COL4A1: variants seen among roughly 807,000 people sequenced by gnomAD.
The protein encoded by COL4A1 is collagen type IV alpha 1 chain.
In COL4A1, 40 loss-of-function variants were observed where a neutral mutation model predicts 216.6. The observed-to-expected ratio is 0.18, with a 90% CI of 0.14 to 0.24. COL4A1 has a LOEUF of 0.24. Ranked by LOEUF, COL4A1 falls within the 10% of genes least tolerant of loss-of-function variation. The probability of loss-of-function intolerance (pLI) is 1.00; values close to 1 mark genes in which losing one functional copy is unlikely to be tolerated. For missense variants in COL4A1, 1,628 were observed against 2,196.8 expected (o/e 0.74, Z 5.18); for synonymous variants, 839 against 810.7 (o/e 1.03, Z -0.59).
intron 1 of COL4A1, among the ~76,000 whole-genome samples, chr13:110,302,075 G>A (rs1884515785): frequency 6.6e-6 from 1 of 152,176 alleles, no homozygotes; most frequent in East Asian, 1.9e-4. Context: ...AAGAGAGCTG[G>A]AAGGGAGTCC....
intron 45 of COL4A1, 152 bp from the exon 46 acceptor site, chr13:110,165,142 C>A (rs1877277256): frequency 1.7e-6 from 2 of 1,177,608 alleles, no homozygotes; most frequent in South Asian, 3.1e-5. Flanking sequence ...CAGATCTTCA[C>A]AAAACATGTC....
intron 1 of COL4A1, among the ~76,000 whole-genome samples, chr13:110,260,811 A>G (rs1379423958): frequency 2.6e-5 from 4 of 152,110 alleles, no homozygotes; most frequent in African/African-American, 9.7e-5. Flanking sequence ...GCACTTTGGG[A>G]GGCCGAGGCA....
At chr13:110,193,041 G>T in intron 22 of COL4A1, 128 bp from the exon 23 acceptor site, 1 of 820,080 alleles carries the variant, frequency 1.2e-6, no homozygotes, top group Non-Finnish European at 2.1e-6. Context: ...TTGCTCAGTG[G>T]CAATGGCTCC....
At chr13:110,255,511 T>A (rs1594094724) in intron 1 of COL4A1, among the ~76,000 whole-genome samples, 1 of 112,608 alleles carries the variant, frequency 8.9e-6, no homozygotes, top group Non-Finnish European at 1.8e-5. Flanking sequence ...GAAAGAACGG[T>A]GATTCCACCA....
At chr13:110,280,504 A>G (rs191126865) in intron 1 of COL4A1, among the ~76,000 whole-genome samples, 2 of 152,380 alleles carry the variant, frequency 1.3e-5, no homozygotes, top group Non-Finnish European at 2.9e-5. Context: ...TACAAGAGAA[A>G]GTATTCAAAA....
At position 110,211,542 on chromosome 13, in the gene COL4A1, C is replaced by A; in HGVS notation, c.468+105G>T. 3.6e-6 allele frequency: 4 copies of A among 1,103,450 alleles called. No individual in the cohort carries two copies. The highest frequency in any genetic ancestry group is 5.3e-6 in the Non-Finnish European group (4 of 754,160). The allele number at this position is 1,103,450 out of a possible 1,614,324, so 68.4% of individuals were successfully genotyped here. ...GAGTTTAGGGAAGTGTGTTCAGAAA[C>A]AATCGATCAGCCAAAGTGGTTTAAA... On this transcript the variant is annotated intron_variant, in intron 8 of 51. Coordinates refer to ENST00000375820, the MANE Select transcript of COL4A1 (RefSeq NM_001845.6). The surrounding 1 kb of genome is among the most constrained non-coding windows in gnomAD (Gnocchi z 4.3).
At chr13:110,292,398 A>T (rs1323258616) in intron 1 of COL4A1, among the ~76,000 whole-genome samples, 1 of 152,194 alleles carries the variant, frequency 6.6e-6, no homozygotes, top group East Asian at 1.9e-4. Context: ...TCTAGACTGG[A>T]CTATAGTTTC....
chr13:110,186,646 C>T (rs1878420130), intron 25 of COL4A1, 93 bp from the exon 26 acceptor site: 2 of 1,463,592 alleles, frequency 1.4e-6, no homozygotes, highest in Admixed American at 2.0e-5. Context: ...TCAATAAGTA[C>T]TAGAGTTAAC....
chr13:110,259,985 A>G (rs372688335), intron 1 of COL4A1, among the ~76,000 whole-genome samples: 2 of 152,052 alleles, frequency 1.3e-5, no homozygotes, highest in African/African-American at 2.4e-5. Flanking sequence ...GCTGCTGTAC[A>G]TGGATCATGC....
chr13:110,300,808 G>A (rs1218387731), intron 1 of COL4A1, among the ~76,000 whole-genome samples: 1 of 152,224 alleles, frequency 6.6e-6, no homozygotes, highest in Non-Finnish European at 1.5e-5. Context: ...AACAGAAGAT[G>A]AGGAGGTTGA....
chr13:110,189,527 A>G (rs983645195), intron 24 of COL4A1, among the ~76,000 whole-genome samples: 4 of 152,102 alleles, frequency 2.6e-5, no homozygotes, highest in African/African-American at 9.7e-5. Flanking sequence ...GGGACACTTC[A>G]CTTGGATCTA....
chr13:110,163,087 G>C (rs547174304), intron 47 of COL4A1, among the ~76,000 whole-genome samples: 39 of 152,344 alleles, frequency 2.6e-4, no homozygotes, highest in African/African-American at 8.7e-4. Flanking sequence ...TAAGGAAGCA[G>C]ATCAAGTTCA....
intron 29 of COL4A1, 97 bp downstream of exon 29, chr13:110,181,195 C>G: frequency 8.4e-7 from 1 of 1,188,144 alleles, no homozygotes; most frequent in Non-Finnish European, 1.3e-6. Flanking sequence ...ATCTGCTGGC[C>G]CAACATGTCC....
intron 1 of COL4A1, among the ~76,000 whole-genome samples, chr13:110,272,591 T>G (rs1044218345): frequency 2.6e-5 from 4 of 152,086 alleles, no homozygotes; most frequent in African/African-American, 9.7e-5. Flanking sequence ...GGGGGGGAAC[T>G]CTTCTCAGCA....
intron 24 of COL4A1, among the ~76,000 whole-genome samples, chr13:110,190,535 A>G (rs1408245286): frequency 6.6e-6 from 1 of 152,336 alleles, no homozygotes; most frequent in African/African-American, 2.4e-5. Flanking sequence ...CTTGTCTTTC[A>G]AAAGGAAATG....
chr13:110,155,677 G>A lies in COL4A1; in HGVS notation c.4641-280C>T, dbSNP rs563430998. Among the ~76,000 whole-genome samples, 63 of 152,288 alleles carry A rather than the reference G, an allele frequency of 4.1e-4. 2 individuals carry two copies. In the East Asian group the frequency reaches 9.3e-3, roughly 22 times the overall value. ...TATAATCCCAGCACTTTGGGAGGCC[G>A]AGGCGGGTGGATCACCTGAGGTCAG... On this transcript the variant is annotated intron_variant, in intron 49 of 51. Coordinates refer to ENST00000375820, the MANE Select transcript of COL4A1 (RefSeq NM_001845.6).
intron 1 of COL4A1, among the ~76,000 whole-genome samples, chr13:110,250,558 G>A (rs1882027685): frequency 6.6e-6 from 1 of 152,180 alleles, no homozygotes; most frequent in Non-Finnish European, 1.5e-5. Context: ...ATGGCCTGGA[G>A]GGAATGACCA....
intron 30 of COL4A1, 96 bp downstream of exon 30, chr13:110,179,175 A>G: frequency 6.3e-7 from 1 of 1,580,812 alleles, no homozygotes. Context: ...TTCGTTCAAC[A>G]AATACATATC....
chr13:110,271,024 A>G (rs146387931), intron 1 of COL4A1, among the ~76,000 whole-genome samples: 41 of 152,318 alleles, frequency 2.7e-4, no homozygotes, highest in African/African-American at 8.9e-4. Flanking sequence ...GGAGCTCCCA[A>G]AGAACAAATT....
Sources: gnomAD v4.1 joint callset for allele counts (sites outside exome capture counted in the v4.1 genomes callset) on GRCh38, gnomAD v4.1.1 for gene constraint, Gnocchi (gnomAD v3.1) non-coding constraint, MANE v1.5 for transcripts, NCBI Gene and HGNC (gene_info 2026-07-23, HGNC 2026-07-21) for gene names.